Variants in EPHA3 observed in about 807,000 individuals in gnomAD.
EPHA3 encodes the protein EPH receptor A3.
EPHA3 carries 42 observed loss-of-function variants against 107.1 expected under a neutral mutation model. The observed-to-expected ratio is 0.39, with a 90% confidence interval of 0.31 to 0.51. The LOEUF (loss-of-function observed/expected upper bound fraction) is 0.51. EPHA3 is among the 20% of genes least tolerant of loss of function. The pLI, the probability that EPHA3 is intolerant of heterozygous loss-of-function variation, is 0.78. For missense variants in EPHA3, 1,183 were observed against 1,211.2 expected (o/e 0.98, Z 0.35); for synonymous variants, 461 against 424.8 (o/e 1.09, Z -1.05).
rs374879413 is a variant in EPHA3 at position 89,127,196 on chromosome 3, T to C, written c.89-13T>C. 8.1e-5 allele frequency: 130 copies of C among 1,602,840 alleles called. No homozygotes were observed. Among genetic ancestry groups the C allele is most frequent in the Non-Finnish European group, 9.7e-5 (113 of 1,170,440 alleles). On this transcript the variant is annotated splice_polypyrimidine_tract_variant and intron_variant, in intron 1 of 16. Transcript: ENST00000336596. ...TGTTATTAACTGTGTTTGTGTATTATGTTTTATTTTAGTCAATCTACTGGA... is the reference window on the plus strand; with the variant it reads ...TGTTATTAACTGTGTTTGTGTATTACGTTTTATTTTAGTCAATCTACTGGA...
chr3:89,263,438 T>C (rs200097452), intron 3 of EPHA3, among the ~76,000 whole-genome samples: 1 of 152,128 alleles, frequency 6.6e-6, no homozygotes, highest in East Asian at 1.9e-4. Flanking sequence ...ACAGCATCCA[T>C]GAAAAATGAG....
chr3:89,229,536 TA>T (rs1362972545), intron 3 of EPHA3, among the ~76,000 whole-genome samples: 2 of 151,014 alleles, frequency 1.3e-5, no homozygotes, highest in Non-Finnish European at 3.0e-5. Flanking sequence ...TAAAATAGTT[TA>T]AAAATATATA....
chr3:89,404,284 A>G (rs1371878182), intron 7 of EPHA3, among the ~76,000 whole-genome samples: 1 of 152,204 alleles, frequency 6.6e-6, no homozygotes, highest in East Asian at 1.9e-4. Context: ...AGTTTTAACC[A>G]GGGAAATGAT....
intron 11 of EPHA3, among the ~76,000 whole-genome samples, chr3:89,420,226 A>C (rs1159603638): frequency 6.6e-6 from 1 of 151,464 alleles, no homozygotes; most frequent in East Asian, 1.9e-4. Context: ...TTAGGGGATA[A>C]TTCATTGGCA....
intron 13 of EPHA3, among the ~76,000 whole-genome samples, chr3:89,438,333 G>T (rs974775564): frequency 3.9e-5 from 6 of 151,928 alleles, no homozygotes; most frequent in Admixed American, 2.0e-4. Context: ...GGATGGTCTC[G>T]ATCTCCTGAC....
At position 89,480,172 on chromosome 3, in the gene EPHA3, A is replaced by G. The variant is rs1018161838; in HGVS notation, c.*670A>G. 1.7e-5 allele frequency: 4 copies of G among 232,910 alleles called. No homozygotes were observed. Among genetic ancestry groups the G allele is most frequent in the Non-Finnish European group, 2.5e-5 (3 of 117,734 alleles). The allele number at this position is 232,910 out of a possible 1,614,324, so 14.4% of individuals were successfully genotyped here. On this transcript the variant is annotated 3_prime_UTR_variant, in exon 17 of 17. Transcript: ENST00000336596. ...TTTTGAATTGTTTTTATTGTTTTCT[A>G]TTTATGCCTTGATGATTTAATATGG...
At chr3:89,350,015 G>T (rs1707770410) in intron 5 of EPHA3, among the ~76,000 whole-genome samples, 1 of 150,214 alleles carries the variant, frequency 6.7e-6, no homozygotes, top group Non-Finnish European at 1.5e-5. Context: ...TCCCTTTGAG[G>T]GTAACCTGAC....
At chr3:89,127,410 G>T (rs1704117533) in intron 2 of EPHA3, 137 bp downstream of exon 2, 1 of 583,262 alleles carries the variant, frequency 1.7e-6, no homozygotes. Flanking sequence ...TTCAATATAT[G>T]GAGTACCACA....
intron 3 of EPHA3, among the ~76,000 whole-genome samples, chr3:89,325,456 A>C (rs1707143504): frequency 6.6e-6 from 1 of 152,176 alleles, no homozygotes; most frequent in Admixed American, 6.6e-5. Flanking sequence ...ACCTTTCAAT[A>C]ACCCCTGATA....
At chr3:89,268,951 A>T (rs1483292630) in intron 3 of EPHA3, among the ~76,000 whole-genome samples, 1 of 151,974 alleles carries the variant, frequency 6.6e-6, no homozygotes, top group African/African-American at 2.4e-5. Flanking sequence ...ATTTTATACA[A>T]GGTCGTGTGT....
chr3:89,145,142 T>C (rs2107026228), intron 2 of EPHA3, among the ~76,000 whole-genome samples: 1 of 151,760 alleles, frequency 6.6e-6, no homozygotes, highest in Non-Finnish European at 1.5e-5. Context: ...GGACAGGGAT[T>C]AAAAAGTTGA....
At chr3:89,255,678 A>G (rs1576268582) in intron 3 of EPHA3, among the ~76,000 whole-genome samples, 1 of 152,148 alleles carries the variant, frequency 6.6e-6, no homozygotes, top group South Asian at 2.1e-4. Context: ...AGGCAGGTGG[A>G]TTGCCTGAGG....
chr3:89,333,465 G>C (rs1034975267), intron 3 of EPHA3, among the ~76,000 whole-genome samples: 1 of 152,144 alleles, frequency 6.6e-6, no homozygotes, highest in African/African-American at 2.4e-5. Flanking sequence ...CCCATTCTGG[G>C]TGTTTTTTAA....
chr3:89,395,473 A>G (rs1221973218), intron 5 of EPHA3, among the ~76,000 whole-genome samples: 1 of 152,196 alleles, frequency 6.6e-6, no homozygotes, highest in Non-Finnish European at 1.5e-5. Context: ...CAACATTATA[A>G]CAAATAGGTA....
intron 13 of EPHA3, among the ~76,000 whole-genome samples, chr3:89,441,558 A>ATG (rs1709788020): frequency 6.6e-6 from 1 of 152,230 alleles, no homozygotes; most frequent in Non-Finnish European, 1.5e-5. Context: ...AATATTCTAA[A>ATG]TGCCTAGTGT....
rs149174996 is a variant in EPHA3, at chr3:89,419,694, A to C, written c.2074+304A>C. On this transcript the variant is annotated intron_variant, in intron 11 of 16. Transcript: ENST00000336596. ...GAAGAATTGTGGGGAATTCTCGGCT[A>C]TGTAAGTAGCAAAGAAAAACAATGA... Among the ~76,000 whole-genome samples the C allele has an allele frequency of 2.5e-3, 382 of 151,620 alleles. 3 individuals are homozygous for C. Among genetic ancestry groups the C allele is most frequent in the African/African-American group, 8.9e-3 (370 of 41,484 alleles).
chr3:89,200,154 T>C (rs1705937873), intron 2 of EPHA3, among the ~76,000 whole-genome samples: 1 of 152,192 alleles, frequency 6.6e-6, no homozygotes, highest in Non-Finnish European at 1.5e-5. Flanking sequence ...ATACACAATA[T>C]TCAATAAACA....
At chr3:89,254,376 A>G (rs898153532) in intron 3 of EPHA3, among the ~76,000 whole-genome samples, 6 of 152,182 alleles carry the variant, frequency 3.9e-5, no homozygotes, top group African/African-American at 1.4e-4. Flanking sequence ...ACTCTGAATA[A>G]TGGGAGGAGC....
At position 89,138,603 on chromosome 3, in the gene EPHA3, AC is replaced by A. The variant is rs1183726563; in HGVS notation, c.153+11331del. 2.0e-5 allele frequency among the ~76,000 whole-genome samples: 3 copies of A among 151,842 alleles called. No homozygotes were observed. The East Asian group carries it at 5.8e-4, about 29-fold the overall frequency. On this transcript the variant is annotated intron_variant, in intron 2 of 16. Transcript: ENST00000336596. The stretch of plus-strand genomic sequence containing the variant: ...CCTAAAATGCTCACATCAATCAAAG[AC>A]AACATTTTAAGCAGGTGATCAGGGA...
Sources: gnomAD v4.1 joint callset for allele counts (sites outside exome capture counted in the v4.1 genomes callset) on GRCh38, gnomAD v4.1.1 for gene constraint, MANE v1.5 for transcripts, NCBI Gene and HGNC (gene_info 2026-07-23, HGNC 2026-07-21) for gene names.